LRRFIP1: variants seen among roughly 807,000 people sequenced by gnomAD.
LRRFIP1 encodes the protein leucine-rich repeat flightless-interacting protein 1.
LRRFIP1 carries 62 observed loss-of-function variants against 104.4 expected under a neutral mutation model. That is an observed-to-expected ratio of 0.59 (90% CI 0.48 to 0.73). The LOEUF (loss-of-function observed/expected upper bound fraction) is 0.73. Among genes scored for constraint, LRRFIP1 ranks in the 30% least tolerant of loss-of-function variants. The probability of loss-of-function intolerance (pLI) is 0.00; values close to 1 mark genes in which losing one functional copy is unlikely to be tolerated. For missense variants in LRRFIP1, 796 were observed against 824.5 expected, an observed-to-expected ratio of 0.97 and a Z score of 0.42; for synonymous variants, 300 against 299.0, an observed-to-expected ratio of 1.00 and a Z score of -0.03.
At chr2:237,672,562 T>C (rs1156624767) in intron 1 of LRRFIP1, among the ~76,000 whole-genome samples, 2 of 152,244 alleles carry the variant, frequency 1.3e-5, no homozygotes, top group African/African-American at 2.4e-5. Flanking sequence ...TTTTCCATTA[T>C]GATCAGATGG....
In LRRFIP1 at chr2:237,717,400, G is replaced by A. The variant is rs574860260; in HGVS notation, c.202-362G>A. Among the ~76,000 whole-genome samples the A allele has an allele frequency of 5.3e-5, 8 of 152,266 alleles. No homozygotes were observed. In the East Asian group the frequency reaches 1.3e-3, roughly 26 times the overall value. On this transcript the variant is annotated intron_variant, in intron 3 of 23. Coordinates refer to ENST00000308482, the MANE Select transcript of LRRFIP1 (RefSeq NM_001137550.2). This position sits in a 1 kb window ranked among gnomAD's most constrained non-coding sequence, Gnocchi z 4.2. ...TTCGATGGTGTTTTATTCCTTCATC[G>A]CGTTTGCTTTGAAGGCATGAGCAGC...
intron 8 of LRRFIP1, among the ~76,000 whole-genome samples, chr2:237,732,159 G>A (rs753724461): frequency 4.6e-5 from 7 of 152,124 alleles, no homozygotes; most frequent in African/African-American, 1.4e-4. Flanking sequence ...TGGCCCAGCC[G>A]TCTTTATTTC....
At chr2:237,685,221 G>A (rs2092276253) in intron 1 of LRRFIP1, among the ~76,000 whole-genome samples, 1 of 151,906 alleles carries the variant, frequency 6.6e-6, no homozygotes, top group Non-Finnish European at 1.5e-5. Context: ...AGGTTACTGT[G>A]GTCACTCTGG....
chr2:237,637,357 A>G (rs1408419211), intron 1 of LRRFIP1, among the ~76,000 whole-genome samples: 1 of 152,098 alleles, frequency 6.6e-6, no homozygotes, highest in Non-Finnish European at 1.5e-5. Flanking sequence ...AGTCTCAGCT[A>G]CTCGGGGGGC....
At chr2:237,664,893 C>T (rs2149490621) in intron 1 of LRRFIP1, among the ~76,000 whole-genome samples, 1 of 152,286 alleles carries the variant, frequency 6.6e-6, no homozygotes, top group Middle Eastern at 3.4e-3. Flanking sequence ...TTCTTAATCT[C>T]GTGTTCCATT....
intron 19 of LRRFIP1, chr2:237,762,839 C>G (rs770001744): frequency 1.9e-6 from 3 of 1,614,198 alleles, no homozygotes; most frequent in Non-Finnish European, 2.5e-6. Flanking sequence ...AAGCCAAATT[C>G]TTGAGAGCAG....
chr2:237,695,040 C>G (rs2093076611), intron 1 of LRRFIP1, among the ~76,000 whole-genome samples: 1 of 152,130 alleles, frequency 6.6e-6, no homozygotes, highest in South Asian at 2.1e-4. Context: ...GGGGATGAAT[C>G]AGTTGGCACG....
intron 19 of LRRFIP1, chr2:237,763,335 A>G (rs1190765062): frequency 6.2e-7 from 1 of 1,614,090 alleles, no homozygotes; most frequent in East Asian, 2.2e-5. Context: ...GTAGACACTC[A>G]AAATGAACCC....
At chr2:237,721,832 CTG>C (rs1341105549) in intron 6 of LRRFIP1, 2 of 152,230 alleles carry the variant, frequency 1.3e-5, no homozygotes, top group Non-Finnish European at 2.9e-5. Context: ...TGCCAAAAAA[CTG>C]TGGTTCAAAT....
chr2:237,692,415 C>T, intron 1 of LRRFIP1: 4 of 1,481,012 alleles, frequency 2.7e-6, no homozygotes, highest in Non-Finnish European at 3.6e-6. Flanking sequence ...GCGCGGTCCC[C>T]GAGCATTTCC....
chr2:237,680,778 T>C (rs1242063358), intron 1 of LRRFIP1, among the ~76,000 whole-genome samples: 1 of 152,160 alleles, frequency 6.6e-6, no homozygotes, highest in Non-Finnish European at 1.5e-5. Context: ...GCCCAGGAGT[T>C]GGAGACCAAC....
At chr2:237,763,772 T>C (rs370365007) in intron 19 of LRRFIP1, 5 of 1,614,090 alleles carry the variant, frequency 3.1e-6, no homozygotes, top group Non-Finnish European at 3.4e-6. Flanking sequence ...CGTTCAATCA[T>C]CAGGCCCGAG....
chr2:237,708,600 C>T lies in LRRFIP1; in HGVS notation c.153C>T (p.Arg51=), dbSNP rs1462046242. Residue 51 remains arginine (R), a synonymous_variant, in exon 2 of 24, where the codon CGC becomes CGT. Transcript: ENST00000308482. ...CCCGCGCGGAGGCTCGCGAGATCCG[C>T]ATGAAGGAGCTGGAGCGGCAGCAGA... ...RAARAEAREI[R]MKELERQQKE... 6.2e-7 allele frequency: 1 copy of T among 1,601,760 alleles called. No individual in the cohort carries two copies. Among genetic ancestry groups the T allele is most frequent in the East Asian group, 2.3e-5 (1 of 44,426 alleles).
At chr2:237,654,499 T>C (rs1404190589) in intron 1 of LRRFIP1, among the ~76,000 whole-genome samples, 2 of 151,612 alleles carry the variant, frequency 1.3e-5, no homozygotes, top group Admixed American at 1.3e-4. Context: ...GATACAGTGA[T>C]CCCACTTCTG....
intron 1 of LRRFIP1, among the ~76,000 whole-genome samples, chr2:237,676,749 C>T (rs1401704010): frequency 1.3e-5 from 2 of 152,212 alleles, no homozygotes; most frequent in South Asian, 2.1e-4. Flanking sequence ...GTGATCTGCC[C>T]ATCTCAGCCT....
intron 11 of LRRFIP1, among the ~76,000 whole-genome samples, chr2:237,746,618 C>T (rs946649938): frequency 6.6e-5 from 10 of 152,006 alleles, no homozygotes; most frequent in Non-Finnish European, 7.4e-5. Context: ...CATGCACATC[C>T]GAAAAAATAA....
At chr2:237,680,368 G>T (rs539694454) in intron 1 of LRRFIP1, among the ~76,000 whole-genome samples, 45 of 152,324 alleles carry the variant, frequency 3.0e-4, no homozygotes, top group African/African-American at 1.1e-3. Context: ...ATGGATGGTT[G>T]CCTCTGTACT....
chr2:237,661,552 A>G lies in LRRFIP1; in HGVS notation c.96+33812A>G, dbSNP rs1319448734. Among the ~76,000 whole-genome samples the G allele has an allele frequency of 4.6e-5, 7 of 152,142 alleles. No individual in the cohort carries two copies. The highest frequency in any genetic ancestry group is 8.8e-5 in the Non-Finnish European group (6 of 68,018). On this transcript the variant is annotated intron_variant, in intron 1 of 23. Transcript: ENST00000308482. The surrounding 1 kb of genome is among the most constrained non-coding windows in gnomAD (Gnocchi z 4.4). ...CCTGGTTCACCTTCTGTTCCTGCCC[A>G]GGGCAAACTGCCCTATGTGCATCTC...
intron 19 of LRRFIP1, chr2:237,763,314 G>A (rs760124326): frequency 1.2e-6 from 2 of 1,613,994 alleles, no homozygotes; most frequent in African/African-American, 2.7e-5. Context: ...GAAGCGACAG[G>A]TCCAAGTACA....
Sources: gnomAD v4.1 joint callset for allele counts (sites outside exome capture counted in the v4.1 genomes callset) on GRCh38, gnomAD v4.1.1 for gene constraint, Gnocchi (gnomAD v3.1) non-coding constraint, MANE v1.5 for transcripts, NCBI Gene and HGNC (gene_info 2026-07-23, HGNC 2026-07-21) for gene names.